CEP152: variants seen among roughly 807,000 people sequenced by gnomAD.
The protein encoded by CEP152 is centrosomal protein 152, also known as centrosomal protein of 152 kDa.
CEP152 carries 132 observed loss-of-function variants against 188.9 expected under a neutral mutation model. The observed-to-expected ratio is 0.70, with a 90% CI of 0.61 to 0.81. The LOEUF (loss-of-function observed/expected upper bound fraction) is 0.81, where lower values mean the gene tolerates loss of function less well. Ranked by LOEUF, CEP152 falls within the 30% of genes least tolerant of loss-of-function variation. The pLI is 0.00. For synonymous variants in CEP152, 649 were observed against 666.6 expected (o/e 0.97, Z 0.41); for missense variants, 1,914 against 1,969.8 (o/e 0.97, Z 0.54).
intron 20 of CEP152, among the ~76,000 whole-genome samples, chr15:48,753,264 G>T (rs898485924): frequency 3.9e-5 from 6 of 152,164 alleles, no homozygotes; most frequent in Non-Finnish European, 5.9e-5. Context: ...CAACCCTCGT[G>T]ATCCGCCTGC....
chr15:48,795,478 C>CA (rs1413021124), intron 6 of CEP152, among the ~76,000 whole-genome samples: 3 of 151,740 alleles, frequency 2.0e-5, no homozygotes, highest in African/African-American at 4.8e-5. Flanking sequence ...AGGCTTCAGT[C>CA]AAAAAAATAT....
Position 48,793,342 on chromosome 15 carries a change from G to A in CEP152, c.811C>T (p.His271Tyr), listed in dbSNP as rs766603221. 3.7e-6 allele frequency: 6 copies of A among 1,613,810 alleles called. No homozygotes were observed. Among genetic ancestry groups the A allele is most frequent in the African/African-American group, 2.7e-5 (2 of 74,924 alleles). ...TTACCTTTTATTATTACAAGCTGGT[G>A]ATTCAGATATCGAATTTGACGTTCA... ...ESERQIRYLN[H>Y]QLVIIKDEKD... The change falls in exon 7 of 27, where the codon CAC (histidine) becomes TAC (tyrosine). Residue 271 changes from histidine to tyrosine, a missense_variant. By Grantham distance (83) the His-to-Tyr change is moderately conservative. Transcript: ENST00000380950.
Position 48,767,745 on chromosome 15 carries a change from T to G in CEP152, c.2019-282A>C, listed in dbSNP as rs138840102. On this transcript the variant is annotated intron_variant, in intron 15 of 26. Coordinates refer to ENST00000380950, the MANE Select transcript of CEP152 (RefSeq NM_001194998.2). Reference sequence around the variant, plus strand: ...AGAGATAGTAATCTATGTTGAGGACTTCTGTTTATAAAAAATTAATGGCAA... The same window carrying G: ...AGAGATAGTAATCTATGTTGAGGACGTCTGTTTATAAAAAATTAATGGCAA... Among the ~76,000 whole-genome samples the G allele has an allele frequency of 6.3e-3, 963 of 152,330 alleles. 10 individuals are homozygous for G. The highest frequency in any genetic ancestry group is 0.022 in the African/African-American group (928 of 41,558).
At chr15:48,790,128 A>T (rs144156933) in intron 8 of CEP152, among the ~76,000 whole-genome samples, 1 of 152,258 alleles carries the variant, frequency 6.6e-6, no homozygotes, top group South Asian at 2.1e-4. Flanking sequence ...ATTATTCTTC[A>T]TTCTATTCCA....
chr15:48,735,414 T>G (rs1892562005), downstream of CEP152, among the ~76,000 whole-genome samples: 1 of 152,224 alleles, frequency 6.6e-6, no homozygotes, highest in Non-Finnish European at 1.5e-5. Context: ...AACAGTTTCA[T>G]ATCAATAATC....
chr15:48,772,690 T>C lies in CEP152; in HGVS notation c.1579A>G (p.Ile527Val). 1 of 1,612,894 alleles carries C rather than the reference T, an allele frequency of 6.2e-7. No homozygotes were observed. Among genetic ancestry groups the C allele is most frequent in the Non-Finnish European group, 8.5e-7 (1 of 1,179,010 alleles). Residue 527 changes from isoleucine to valine, a missense_variant and splice_region_variant, in exon 13 of 27, where the codon ATT becomes GTT. Ile to Val is a conservative substitution (Grantham distance 29, BLOSUM62 3). Transcript: ENST00000380950. ...TCATTTGGGTCTTCTTCTTGTACAA[T>C]GCTAATGGAGAAATTGTGATTTTTA... ...VNWKKSKVTSIVQEEDPNEEL... is the reference protein window; with the variant it reads ...VNWKKSKVTSVVQEEDPNEEL...
At chr15:48,776,612 A>G (rs1458501542) in intron 12 of CEP152, among the ~76,000 whole-genome samples, 1 of 152,184 alleles carries the variant, frequency 6.6e-6, no homozygotes, top group African/African-American at 2.4e-5. Flanking sequence ...ACAGCGATTT[A>G]GTAGCTAAAC....
Position 48,782,798 on chromosome 15 carries a change from T to A in CEP152, c.1322-568A>T, listed in dbSNP as rs552278535. ...GACATTATTAGGTTTCAAAAGAAAA[T>A]GACCATCTGGGAAATGATTAAGTGA... On this transcript the variant is annotated intron_variant, in intron 10 of 26. Transcript: ENST00000380950. Among the ~76,000 whole-genome samples the A allele has an allele frequency of 2.0e-5, 3 of 152,196 alleles. No homozygotes were observed. In the South Asian group the frequency reaches 6.2e-4, roughly 32 times the overall value.
rs147595936 is a variant in CEP152, at chr15:48,796,016, T to G, written c.685A>C (p.Asn229His). The G allele has an allele frequency of 8.6e-5, 139 of 1,613,796 alleles. No individual in the cohort carries two copies. Among genetic ancestry groups the G allele is most frequent in the African/African-American group, 2.7e-4 (20 of 75,044 alleles). Residue 229 changes from asparagine (N) to histidine (H), a missense_variant, in exon 6 of 27, where the codon AAT becomes CAT. By Grantham distance (68) the Asn-to-His change is moderately conservative. Coordinates refer to ENST00000380950, the MANE Select transcript of CEP152 (RefSeq NM_001194998.2). Reference sequence around the variant, plus strand: ...ATATAAACTTGATACCTACTCTCATTAGCTCCTAAAAATTGTTGTTGCAGG... The same window carrying G: ...ATATAAACTTGATACCTACTCTCATGAGCTCCTAAAAATTGTTGTTGCAGG... ...EGLQQQFLGA[N>H]ENSAENMQII...
At position 48,738,688 on chromosome 15, in the gene CEP152, C is replaced by T; in HGVS notation, c.4694G>A (p.Gly1565Glu). The T allele has an allele frequency of 6.2e-7, 1 of 1,614,196 alleles. No homozygotes were observed. Among genetic ancestry groups the T allele is most frequent in the Non-Finnish European group, 8.5e-7 (1 of 1,180,034 alleles). ...GCCCAAGCAGTCACTAAGGTCCCCTCCATCTTTTACTGGAGGTTCCTGAAC... is the reference window on the plus strand; with the variant it reads ...GCCCAAGCAGTCACTAAGGTCCCCTTCATCTTTTACTGGAGGTTCCTGAAC... Reference protein sequence around the residue: ...LDVQEPPVKDGGDLSDCLGWP... With the variant: ...LDVQEPPVKDEGDLSDCLGWP... Residue 1565 changes from glycine to glutamate, a missense_variant, in exon 27 of 27, where the codon GGA (glycine) becomes GAA (glutamate). Coordinates refer to ENST00000380950, the MANE Select transcript of CEP152 (RefSeq NM_001194998.2).
At chr15:48,747,062 G>A (rs1893494030) in intron 22 of CEP152, among the ~76,000 whole-genome samples, 1 of 152,146 alleles carries the variant, frequency 6.6e-6, no homozygotes, top group Non-Finnish European at 1.5e-5. Context: ...GTTAAACTAA[G>A]TGTTTTTGGT....
rs1897757815 is a variant in CEP152, at chr15:48,802,806, A to AG, written c.87+2756_87+2757insC. 2.0e-5 allele frequency among the ~76,000 whole-genome samples: 3 copies of AG among 152,376 alleles called. No homozygotes were observed. The South Asian group carries it at 6.2e-4, about 32-fold the overall frequency. On this transcript the variant is annotated intron_variant, in intron 2 of 26. Coordinates refer to ENST00000380950, the MANE Select transcript of CEP152 (RefSeq NM_001194998.2). ...AACAATGGAGAGAATAGAAATGGAA[A>AG]AAGCAAAATCATAATTGTAAAGCTG...
chr15:48,790,405 A>G (rs1896923517), intron 8 of CEP152, among the ~76,000 whole-genome samples: 1 of 152,232 alleles, frequency 6.6e-6, no homozygotes, highest in Non-Finnish European at 1.5e-5. Context: ...TTACATATAA[A>G]GTGAATAGCA....
chr15:48,772,402 C>T, intron 13 of CEP152, 85 bp downstream of exon 13: 1 of 1,128,448 alleles, frequency 8.9e-7, no homozygotes, highest in Non-Finnish European at 1.3e-6. Flanking sequence ...CAGAGTGACG[C>T]CCTGTCTCAA....
At position 48,768,285 on chromosome 15, in the gene CEP152, T is replaced by C. The variant is rs1369043161; in HGVS notation, c.1952A>G (p.Asp651Gly). Residue 651 changes from aspartate to glycine, a missense_variant, in exon 15 of 27, where the codon GAC (aspartate) becomes GGC (glycine). Physicochemically the swap from Asp to Gly is moderately conservative, Grantham distance 94. Transcript: ENST00000380950. ...CATTTGTCTCATTTGATTACATAAG[T>C]CTTGATTTGTATTTCTCAGTTTTCC... ...TEGKLRNTNQ[D>G]LCNQMRQMVQ... 3 of 1,611,600 alleles carry C rather than the reference T, an allele frequency of 1.9e-6. No individual in the cohort carries two copies. The highest frequency in any genetic ancestry group is 2.5e-6 in the Non-Finnish European group (3 of 1,177,840).
chr15:48,744,964 T>C lies in CEP152; in HGVS notation c.3663A>G (p.Leu1221=). 6.2e-7 allele frequency: 1 copy of C among 1,608,628 alleles called. No individual in the cohort carries two copies. Among genetic ancestry groups the C allele is most frequent in the Non-Finnish European group, 8.5e-7 (1 of 1,177,732 alleles). ...TCTTCATGTCGTTGTTTTCTTCTAT[T>C]AATTCTTCAACAACTTTATTATTCT... ...GEENNKVVEE[L]IEENNDMKNK... The change falls in exon 23 of 27, where the codon TTA becomes TTG. Residue 1221 remains leucine, a synonymous_variant. Transcript: ENST00000380950.
intron 18 of CEP152, among the ~76,000 whole-genome samples, chr15:48,761,102 G>A (rs1371562069): frequency 6.6e-6 from 1 of 152,016 alleles, no homozygotes; most frequent in South Asian, 2.1e-4. Context: ...GCTGTATTAT[G>A]CTATTTAAGA....
chr15:48,782,294 C>T, intron 10 of CEP152, 64 bp from the exon 11 acceptor site: 2 of 1,395,726 alleles, frequency 1.4e-6, no homozygotes, highest in Non-Finnish European at 1.0e-6. Flanking sequence ...TTATGATCTA[C>T]AGAAGACTTG....
intron 17 of CEP152, chr15:48,765,532 C>A: frequency 2.5e-6 from 1 of 404,594 alleles, no homozygotes; most frequent in Admixed American, 3.4e-5. Flanking sequence ...GTAACTGACC[C>A]ATTATATGAG....
Sources: allele counts gnomAD v4.1 joint callset (sites outside exome capture counted in the v4.1 genomes callset), GRCh38; gene constraint gnomAD v4.1.1; transcripts MANE v1.5; gene names NCBI Gene and HGNC (gene_info 2026-07-23, HGNC 2026-07-21).